RAB40B: variants seen among roughly 807,000 people sequenced by gnomAD.
RAB40B encodes ras-related protein Rab-40B.
In RAB40B, 21 loss-of-function variants were observed where a neutral mutation model predicts 24.0. The observed-to-expected ratio is 0.88, with a 90% CI of 0.62 to 1.26. The LOEUF is 1.26. Among genes scored for constraint, RAB40B ranks in the 50% most tolerant of loss-of-function variants. The probability of loss-of-function intolerance (pLI) is 0.00; values close to 1 mark genes in which losing one functional copy is unlikely to be tolerated. For missense variants in RAB40B, 348 were observed against 390.5 expected, an observed-to-expected ratio of 0.89 and a Z score of 0.92; for synonymous variants, 167 against 169.8, an observed-to-expected ratio of 0.98 and a Z score of 0.13.
rs747645268 is a variant in RAB40B at position 82,655,551 on chromosome 17, A to T, written c.*2312T>A. 4.6e-5 allele frequency: 7 copies of T among 152,266 alleles called. No homozygotes were observed. Among genetic ancestry groups the T allele is most frequent in the Non-Finnish European group, 7.3e-5 (5 of 68,040 alleles). The allele number at this position is 152,266 out of a possible 1,614,324, so 9.4% of individuals were successfully genotyped here. A position where few individuals can be genotyped will look rare whatever the true frequency, so the allele number is the denominator to read the frequency against. On this transcript the variant is annotated 3_prime_UTR_variant, in exon 6 of 6. Coordinates refer to ENST00000571995, the MANE Select transcript of RAB40B (RefSeq NM_006822.3). ...TACCCTTCACCATCAGCGAGCTGGG[A>T]ACGGAGGGAGAAGAGGCCCCTCAAC...
intron 4 of RAB40B, chr17:82,659,186 A>G (rs2046129159): frequency 3.6e-6 from 1 of 281,600 alleles, no homozygotes; most frequent in African/African-American, 2.2e-5. Flanking sequence ...ACACTCATAC[A>G]GTGGGCTTAG....
chr17:82,687,630 T>C (rs1395537601), intron 1 of RAB40B, among the ~76,000 whole-genome samples: 1 of 152,198 alleles, frequency 6.6e-6, no homozygotes, highest in African/African-American at 2.4e-5. Context: ...CACTGACAGC[T>C]TTCTGGGGCT....
chr17:82,680,269 G>C (rs892538935), intron 1 of RAB40B, among the ~76,000 whole-genome samples: 51 of 152,298 alleles, frequency 3.3e-4, no homozygotes, highest in African/African-American at 1.1e-3. Flanking sequence ...CCAGGGGAGT[G>C]GCCATAGGAT....
At position 82,657,806 on chromosome 17, in the gene RAB40B, G is replaced by A. The variant is rs547100484; in HGVS notation, c.*57C>T. 1 of 1,593,482 alleles carries A rather than the reference G, an allele frequency of 6.3e-7. No individual in the cohort carries two copies. Among genetic ancestry groups the A allele is most frequent in the Admixed American group, 1.7e-5 (1 of 59,952 alleles). On this transcript the variant is annotated 3_prime_UTR_variant, in exon 6 of 6. Coordinates refer to ENST00000571995, the MANE Select transcript of RAB40B (RefSeq NM_006822.3). Reference sequence around the variant, plus strand: ...TCTGAGATGCATCCACCAGCTGCCGGGGGTAACGCCGAGCTTCTCCTGGAG... The same window carrying A: ...TCTGAGATGCATCCACCAGCTGCCGAGGGTAACGCCGAGCTTCTCCTGGAG...
chr17:82,664,808 G>C, intron 1 of RAB40B: 1 of 449,602 alleles, frequency 2.2e-6, no homozygotes, highest in Non-Finnish European at 4.1e-6. Flanking sequence ...CTGGCCCAGG[G>C]GGCTCCCCGA....
At chr17:82,693,132 A>C (rs11653433) in intron 1 of RAB40B, among the ~76,000 whole-genome samples, 26,852 of 151,866 alleles carry the variant, frequency 0.18, 2,476 homozygotes, top group Middle Eastern at 0.21. Flanking sequence ...TCTCCCGAGT[A>C]GCTGGGAATA....
intron 1 of RAB40B, among the ~76,000 whole-genome samples, chr17:82,682,888 C>A (rs2046460186): frequency 1.3e-5 from 2 of 152,186 alleles, no homozygotes; most frequent in African/African-American, 4.8e-5. Context: ...CTCATGCCTG[C>A]AATCCCAGCA....
At chr17:82,674,160 G>C (rs2046369617) in intron 1 of RAB40B, among the ~76,000 whole-genome samples, 1 of 151,982 alleles carries the variant, frequency 6.6e-6, no homozygotes, top group Admixed American at 6.6e-5. Flanking sequence ...GGCCAACATG[G>C]TCAAAGCCCA....
At chr17:82,686,673 C>T (rs900978695) in intron 1 of RAB40B, among the ~76,000 whole-genome samples, 6 of 152,224 alleles carry the variant, frequency 3.9e-5, no homozygotes, top group African/African-American at 9.6e-5. Context: ...GAGCGTGGCC[C>T]AGGCAACACC....
chr17:82,672,250 GTACTCACTGACACACCCCACCCCGT>G (rs1213045621), intron 1 of RAB40B, among the ~76,000 whole-genome samples: 6 of 131,452 alleles, frequency 4.6e-5, no homozygotes, highest in Admixed American at 7.6e-5. Flanking sequence ...CACGCTCCCT[GTACTCACTGACACACCCCACCCCGT>G]AACTCTAACA....
chr17:82,698,253 C>G (rs1038014501), intron 1 of RAB40B, among the ~76,000 whole-genome samples: 3 of 151,830 alleles, frequency 2.0e-5, no homozygotes, highest in Non-Finnish European at 4.4e-5. Flanking sequence ...GAGAAAGGCC[C>G]GCCCGCGAAC....
chr17:82,697,690 C>T lies in RAB40B; in HGVS notation c.142+765G>A, dbSNP rs1162754471. 1.3e-5 allele frequency among the ~76,000 whole-genome samples: 2 copies of T among 152,212 alleles called. No homozygotes were observed. The highest frequency in any genetic ancestry group is 4.8e-5 in the African/African-American group (2 of 41,458). Reference sequence around the variant, plus strand: ...GTTCCCCCTTCTCCTGGGTTCCTGCCCCCGCCTTTCTTTCCCCGGAGCCGT... The same window carrying T: ...GTTCCCCCTTCTCCTGGGTTCCTGCTCCCGCCTTTCTTTCCCCGGAGCCGT... On this transcript the variant is annotated intron_variant, in intron 1 of 5. Coordinates refer to ENST00000571995, the MANE Select transcript of RAB40B (RefSeq NM_006822.3). This position sits in a 1 kb window ranked among gnomAD's most constrained non-coding sequence, Gnocchi z 4.9.
chr17:82,698,580 C>T lies in RAB40B; in HGVS notation c.17G>A (p.Ser6Asn). The T allele has an allele frequency of 6.8e-7, 1 of 1,480,436 alleles. No homozygotes were observed. The highest frequency in any genetic ancestry group is 1.3e-5 in the South Asian group (1 of 79,568). The allele number at this position is 1,480,436 out of a possible 1,614,324, so 91.7% of individuals were successfully genotyped here. A position where few individuals can be genotyped will look rare whatever the true frequency, so the allele number is the denominator to read the frequency against. MSALG[S>N]PVRAYDFLLK... is the part of the protein sequence containing the mutation. Reference sequence around the variant, plus strand: ...CAGAAAGTCGTAGGCCCGGACCGGGCTGCCCAGGGCGCTCATCGTGACGGC... The same window carrying T: ...CAGAAAGTCGTAGGCCCGGACCGGGTTGCCCAGGGCGCTCATCGTGACGGC... Residue 6 changes from serine (S) to asparagine (N), a missense_variant, in exon 1 of 6, where the codon AGC (serine) becomes AAC (asparagine). Transcript: ENST00000571995.
intron 1 of RAB40B, among the ~76,000 whole-genome samples, chr17:82,695,573 T>C (rs1478009359): frequency 6.8e-6 from 1 of 146,856 alleles, no homozygotes; most frequent in Non-Finnish European, 1.5e-5. Context: ...GGCCAGGTGC[T>C]GTGGCTCAGG....
intron 1 of RAB40B, among the ~76,000 whole-genome samples, chr17:82,674,979 C>T (rs1172995839): frequency 6.6e-6 from 1 of 152,170 alleles, no homozygotes; most frequent in African/African-American, 2.4e-5. Flanking sequence ...CTGTGTGGGG[C>T]ACCACATTCC....
intron 3 of RAB40B, 52 bp from the exon 4 acceptor site, chr17:82,659,709 T>G: frequency 6.8e-7 from 1 of 1,465,704 alleles, no homozygotes; most frequent in African/African-American, 1.4e-5. Context: ...CAGGCACAGC[T>G]GTGGCCATGC....
intron 4 of RAB40B, chr17:82,659,220 T>C (rs1342645770): frequency 6.4e-6 from 2 of 311,812 alleles, no homozygotes; most frequent in East Asian, 1.5e-4. Context: ...ATGTCACCAT[T>C]GCCAGGCGGG....
chr17:82,666,120 C>T lies in RAB40B; in HGVS notation c.143-1564G>A, dbSNP rs535999324. Among the ~76,000 whole-genome samples, 9 of 152,198 alleles carry T rather than the reference C, an allele frequency of 5.9e-5. No homozygotes were observed. The South Asian group carries it at 1.7e-3, about 28-fold the overall frequency. ...CCTGCCACCACACCTGCCACCGCAC[C>T]TGGCTAATTGACAGGGCATTGCTGT... On this transcript the variant is annotated intron_variant, in intron 1 of 5. Transcript: ENST00000571995.
chr17:82,666,141 G>A (rs1341311859), intron 1 of RAB40B, among the ~76,000 whole-genome samples: 1 of 151,950 alleles, frequency 6.6e-6, no homozygotes, highest in African/African-American at 2.4e-5. Context: ...ACAGGGCATT[G>A]CTGTGTTGCC....
Sources: allele counts gnomAD v4.1 joint callset (sites outside exome capture counted in the v4.1 genomes callset), GRCh38; gene constraint gnomAD v4.1.1; non-coding constraint Gnocchi (gnomAD v3.1); transcripts MANE v1.5; gene names NCBI Gene and HGNC (gene_info 2026-07-23, HGNC 2026-07-21).